The following DNM3 variants were observed in gnomAD, a reference collection of about 807,000 sequenced individuals.
DNM3 encodes dynamin-3.
In DNM3, 47 loss-of-function variants were observed where a neutral mutation model predicts 101.6. The observed-to-expected ratio is 0.46, with a 90% CI of 0.37 to 0.59. The LOEUF (loss-of-function observed/expected upper bound fraction) is 0.59, where lower values mean the gene tolerates loss of function less well. Among genes scored for constraint, DNM3 ranks in the 20% least tolerant of loss-of-function variants. The pLI is 0.00. For missense variants in DNM3, 849 were observed against 1,085.7 expected, an observed-to-expected ratio of 0.78 and a Z score of 3.06; for synonymous variants, 385 against 387.9, an observed-to-expected ratio of 0.99 and a Z score of 0.09.
intron 1 of DNM3, among the ~76,000 whole-genome samples, chr1:171,893,001 G>A (rs534632660): frequency 1.3e-5 from 2 of 150,450 alleles, no homozygotes; most frequent in South Asian, 2.1e-4. Flanking sequence ...GGTCTGTGGC[G>A]CAAGAGTTGG....
chr1:172,196,254 A>G (rs1262045820), intron 14 of DNM3, among the ~76,000 whole-genome samples: 1 of 151,932 alleles, frequency 6.6e-6, no homozygotes, highest in East Asian at 1.9e-4. Flanking sequence ...TTATGGCTGC[A>G]TAGTATTCCG....
chr1:171,982,839 C>T (rs1476621669), intron 2 of DNM3, among the ~76,000 whole-genome samples: 1 of 152,122 alleles, frequency 6.6e-6, no homozygotes, highest in Non-Finnish European at 1.5e-5. Context: ...TATGATCAAT[C>T]TCTACAGTCC....
chr1:172,240,198 C>A (rs1052275005), intron 14 of DNM3, among the ~76,000 whole-genome samples: 2 of 152,112 alleles, frequency 1.3e-5, no homozygotes, highest in African/African-American at 4.8e-5. Context: ...GAGGAAAAAA[C>A]CAAAACCTAC....
chr1:172,246,427 G>A (rs2061956614), intron 14 of DNM3, among the ~76,000 whole-genome samples: 1 of 152,004 alleles, frequency 6.6e-6, no homozygotes, highest in Admixed American at 6.6e-5. Context: ...GTCTGCAATT[G>A]TGATGGGAAA....
intron 13 of DNM3, among the ~76,000 whole-genome samples, chr1:172,119,290 C>T (rs2056144379): frequency 6.6e-6 from 1 of 151,988 alleles, no homozygotes; most frequent in Non-Finnish European, 1.5e-5. Flanking sequence ...CCACACCTGG[C>T]CAGTTGTTAA....
chr1:172,384,569 C>T (rs1377823310), intron 18 of DNM3, among the ~76,000 whole-genome samples: 2 of 152,218 alleles, frequency 1.3e-5, no homozygotes, highest in Non-Finnish European at 2.9e-5. Flanking sequence ...GCTCTGAATC[C>T]ACTGTATTGC....
chr1:172,165,582 T>C (rs2058715687), intron 14 of DNM3, among the ~76,000 whole-genome samples: 1 of 151,990 alleles, frequency 6.6e-6, no homozygotes, highest in Non-Finnish European at 1.5e-5. Context: ...ACTGGGCTCC[T>C]CCCTGACCTC....
intron 17 of DNM3, among the ~76,000 whole-genome samples, chr1:172,347,982 AC>A (rs1355294220): frequency 6.6e-6 from 1 of 152,048 alleles, no homozygotes; most frequent in African/African-American, 2.4e-5. Flanking sequence ...TTTTTATGAA[AC>A]TAAAAATAAC....
At chr1:172,402,564 G>A (rs1026931962) in intron 20 of DNM3, among the ~76,000 whole-genome samples, 2 of 151,980 alleles carry the variant, frequency 1.3e-5, no homozygotes, top group Non-Finnish European at 2.9e-5. Flanking sequence ...TTTAATTTGG[G>A]TCCACCTAAC....
intron 10 of DNM3, among the ~76,000 whole-genome samples, chr1:172,052,625 C>G (rs976002516): frequency 6.6e-6 from 1 of 152,140 alleles, no homozygotes; most frequent in Non-Finnish European, 1.5e-5. Flanking sequence ...GCTCTTATTC[C>G]TGAGACTATA....
chr1:172,365,278 G>C (rs1043951857), intron 17 of DNM3, among the ~76,000 whole-genome samples: 3 of 151,930 alleles, frequency 2.0e-5, no homozygotes, highest in Non-Finnish European at 4.4e-5. Flanking sequence ...TGATATCTGA[G>C]TTTGCCTCAA....
Position 172,409,316 on chromosome 1 carries a change from A to G in DNM3, c.*1475A>G, listed in dbSNP as rs1311033398. The G allele has an allele frequency of 1.0e-6, 1 of 985,188 alleles. No individual in the cohort carries two copies. Among genetic ancestry groups the G allele is most frequent in the Non-Finnish European group, 1.2e-6 (1 of 829,838 alleles). The allele number at this position is 985,188 out of a possible 1,614,324, so 61.0% of individuals were successfully genotyped here. On this transcript the variant is annotated 3_prime_UTR_variant, in exon 21 of 21. Transcript: ENST00000627582. The stretch of plus-strand genomic sequence containing the variant: ...AGTAGCAAACATGATTTGTATGTTA[A>G]CTTAACTTTAATTTCCTGTGTAGTT...
chr1:172,047,914 T>C (rs1465275446), intron 9 of DNM3, among the ~76,000 whole-genome samples: 1 of 152,180 alleles, frequency 6.6e-6, no homozygotes, highest in Non-Finnish European at 1.5e-5. Context: ...TCCCCTGTTA[T>C]TGTAGCTTCT....
At chr1:171,853,923 C>T (rs1440112440) in intron 1 of DNM3, among the ~76,000 whole-genome samples, 1 of 152,188 alleles carries the variant, frequency 6.6e-6, no homozygotes, top group Non-Finnish European at 1.5e-5. Flanking sequence ...TTTTCCACTC[C>T]TCCCAGAGGT....
chr1:171,851,133 T>C (rs2032905862), intron 1 of DNM3, among the ~76,000 whole-genome samples: 1 of 152,182 alleles, frequency 6.6e-6, no homozygotes, highest in Admixed American at 6.5e-5. Flanking sequence ...TCTATCTGTC[T>C]GATTTAGAGG....
intron 14 of DNM3, among the ~76,000 whole-genome samples, chr1:172,150,713 T>C (rs2058094607): frequency 1.3e-5 from 2 of 152,196 alleles, no homozygotes; most frequent in Admixed American, 6.5e-5. Context: ...CAGCTTGTTA[T>C]GATGCTTCCT....
chr1:172,155,658 T>C (rs1348193616), intron 14 of DNM3, among the ~76,000 whole-genome samples: 1 of 152,074 alleles, frequency 6.6e-6, no homozygotes, highest in Non-Finnish European at 1.5e-5. Context: ...TTCTTTTATT[T>C]TTTCACTCAC....
chr1:172,357,396 C>T (rs2067509784), intron 17 of DNM3, among the ~76,000 whole-genome samples: 1 of 152,114 alleles, frequency 6.6e-6, no homozygotes, highest in Admixed American at 6.6e-5. Flanking sequence ...ATCGACATCA[C>T]ATGTCTCCTG....
chr1:171,864,886 G>A (rs1353776892), intron 1 of DNM3, among the ~76,000 whole-genome samples: 1 of 151,598 alleles, frequency 6.6e-6, no homozygotes, highest in African/African-American at 2.4e-5. Flanking sequence ...TGTATAGCTT[G>A]GAGTTCCAAA....
Sources: allele counts gnomAD v4.1 joint callset (sites outside exome capture counted in the v4.1 genomes callset), GRCh38; gene constraint gnomAD v4.1.1; transcripts MANE v1.5; gene names NCBI Gene and HGNC (gene_info 2026-07-23, HGNC 2026-07-21).